B3GNT3: variants seen among roughly 807,000 people sequenced by gnomAD.
B3GNT3 encodes the protein N-acetyllactosaminide beta-1,3-N-acetylglucosaminyltransferase 3.
In B3GNT3, 7 loss-of-function variants were observed where a neutral mutation model predicts 11.6. The observed-to-expected ratio is 0.60, with a 90% CI of 0.34 to 1.13. The LOEUF (loss-of-function observed/expected upper bound fraction) is 1.13, where lower values mean the gene tolerates loss of function less well. Ranked by LOEUF, B3GNT3 falls within the 50% of genes most tolerant of loss-of-function variation. The pLI is 0.03. For synonymous variants in B3GNT3, 201 were observed against 222.1 expected, an observed-to-expected ratio of 0.90 and a Z score of 0.85; for missense variants, 400 against 507.4, an observed-to-expected ratio of 0.79 and a Z score of 2.03.
In B3GNT3 at chr19:17,807,963, A is replaced by ACCCCCCCCC; in HGVS notation, c.159_160insCCCCCCCCC (p.Pro53_Thr54insProProPro). ...CCGAGGCCCTGGCCTGGCCCACTCC[A>ACCCCCCCCC]CCCACCCGCCCAGCCCCGGCCCCGT... On this transcript the variant is annotated inframe_insertion, in exon 2 of 3. Coordinates refer to ENST00000318683, the MANE Select transcript of B3GNT3 (RefSeq NM_014256.4). 5 of 1,223,218 alleles carry ACCCCCCCCC rather than the reference A, an allele frequency of 4.1e-6. No homozygotes were observed. The highest frequency in any genetic ancestry group is 2.3e-6 in the Non-Finnish European group (2 of 866,404). The allele number at this position is 1,223,218 out of a possible 1,614,324, so 75.8% of individuals were successfully genotyped here.
chr19:17,795,109 G>C (rs968201995), upstream of B3GNT3: 3 of 153,046 alleles, frequency 2.0e-5, no homozygotes, highest in Non-Finnish European at 4.4e-5. Flanking sequence ...GAGGAAGCGG[G>C]AGAGGGGCGG....
chr19:17,811,826 C>G lies in B3GNT3; in HGVS notation c.823C>G (p.Leu275Val). 6.2e-7 allele frequency: 1 copy of G among 1,614,232 alleles called. No homozygotes were observed. The highest frequency in any genetic ancestry group is 8.5e-7 in the Non-Finnish European group (1 of 1,180,048). ...CTATTGTGGGGGTGGTGGCTTCTTG[C>G]TGTCCCGCTTCACGGCCGCTGCCCT... ...PPYCGGGGFL[L>V]SRFTAAALRR... The change falls in exon 3 of 3, where the codon CTG becomes GTG. Residue 275 changes from leucine (L) to valine (V), a missense_variant. Coordinates refer to ENST00000318683, the MANE Select transcript of B3GNT3 (RefSeq NM_014256.4). This position sits in a 1 kb window ranked among gnomAD's most constrained non-coding sequence, Gnocchi z 4.1.
intron 1 of B3GNT3, among the ~76,000 whole-genome samples, chr19:17,805,986 G>T (rs1198019704): frequency 6.6e-6 from 1 of 151,330 alleles, no homozygotes; most frequent in Non-Finnish European, 1.5e-5. Context: ...GTTTTGTTTT[G>T]AGACAGAGTC....
At chr19:17,795,438 C>G (rs978781712) in intron 1 of B3GNT3, among the ~76,000 whole-genome samples, 4 of 152,224 alleles carry the variant, frequency 2.6e-5, no homozygotes, top group Non-Finnish European at 5.9e-5. Context: ...AAGCCTCCCC[C>G]ACAGCTGGCG....
intron 2 of B3GNT3, among the ~76,000 whole-genome samples, chr19:17,808,666 A>C (rs183656791): frequency 8.6e-5 from 13 of 151,856 alleles, no homozygotes; most frequent in Admixed American, 8.5e-4. Context: ...GAGTTCATTC[A>C]CCTCTCTGTG....
intron 1 of B3GNT3, among the ~76,000 whole-genome samples, chr19:17,798,958 G>A (rs962611655): frequency 5.9e-5 from 9 of 152,180 alleles, no homozygotes; most frequent in African/African-American, 2.2e-4. Context: ...GGGTGACAGA[G>A]CAAGATCCTG....
intron 1 of B3GNT3, among the ~76,000 whole-genome samples, chr19:17,805,786 T>C (rs1158703786): frequency 6.6e-6 from 1 of 152,078 alleles, no homozygotes; most frequent in Non-Finnish European, 1.5e-5. Context: ...CTGTCACTAA[T>C]TGTTAGTATC....
chr19:17,797,682 T>A (rs1228262249), intron 1 of B3GNT3, among the ~76,000 whole-genome samples: 2 of 152,118 alleles, frequency 1.3e-5, no homozygotes, highest in African/African-American at 4.8e-5. Flanking sequence ...TGTGTCACCG[T>A]GCCCAACCCC....
At chr19:17,810,225 T>C (rs941021235) in intron 2 of B3GNT3, among the ~76,000 whole-genome samples, 5 of 152,062 alleles carry the variant, frequency 3.3e-5, no homozygotes, top group African/African-American at 9.7e-5. Context: ...GCACAGTGGC[T>C]CATGCCTATA....
At position 17,807,111 on chromosome 19, in the gene B3GNT3, A is replaced by AGTGTGTGTGTGTGTGTGTGTGTGTGTGT. The variant is rs56140662; in HGVS notation, c.-50-640_-50-613dup. 4.0e-3 allele frequency among the ~76,000 whole-genome samples: 463 copies of AGTGTGTGTGTGTGTGTGTGTGTGTGTGT among 116,272 alleles called. 11 individuals are homozygous for AGTGTGTGTGTGTGTGTGTGTGTGTGTGT. The highest frequency in any genetic ancestry group is 0.014 in the East Asian group (60 of 4,156). The allele number at this position is 116,272 out of a possible 152,430, so 76.3% of individuals were successfully genotyped here. On this transcript the variant is annotated intron_variant, in intron 1 of 2. Coordinates refer to ENST00000318683, the MANE Select transcript of B3GNT3 (RefSeq NM_014256.4). ...TTTGCAGTCAGGGAGCAGTGGCCCC[A>AGTGTGTGTGTGTGTGTGTGTGTGTGTGT]GTGTGTGTGTGTGTGTGTGTGTGTG... is the stretch of plus-strand genomic sequence containing the variant.
At chr19:17,800,424 G>A (rs1053352491) in intron 1 of B3GNT3, among the ~76,000 whole-genome samples, 12 of 151,944 alleles carry the variant, frequency 7.9e-5, no homozygotes, top group Admixed American at 7.9e-4. Flanking sequence ...AGAGGTGCCT[G>A]GAGCCACTTG....
intron 1 of B3GNT3, among the ~76,000 whole-genome samples, chr19:17,798,247 G>A (rs757777115): frequency 5.3e-5 from 8 of 152,174 alleles, no homozygotes; most frequent in Non-Finnish European, 7.3e-5. Flanking sequence ...CTGGGCACAC[G>A]AGTGTTTCTC....
intron 2 of B3GNT3, among the ~76,000 whole-genome samples, chr19:17,810,646 C>T (rs2094179447): frequency 1.3e-5 from 2 of 152,134 alleles, no homozygotes; most frequent in South Asian, 4.1e-4. Flanking sequence ...CTTTGGGAGG[C>T]TGAGGCAGGT....
intron 1 of B3GNT3, among the ~76,000 whole-genome samples, chr19:17,806,816 G>A (rs886610460): frequency 6.6e-6 from 1 of 151,930 alleles, no homozygotes; most frequent in Non-Finnish European, 1.5e-5. Flanking sequence ...ACTGGGCGTG[G>A]TGGCGCGTGC....
At chr19:17,800,521 C>T (rs1001430242) in intron 1 of B3GNT3, among the ~76,000 whole-genome samples, 11 of 152,308 alleles carry the variant, frequency 7.2e-5, no homozygotes, top group Admixed American at 4.6e-4. Flanking sequence ...GCCTACGATT[C>T]TGCTGAGCAG....
chr19:17,800,689 G>A (rs531461159), intron 1 of B3GNT3, among the ~76,000 whole-genome samples: 47 of 152,172 alleles, frequency 3.1e-4, no homozygotes, highest in Admixed American at 2.9e-3. Context: ...CTATTAGGCC[G>A]GGCGAGGTGG....
chr19:17,804,750 G>A (rs546924956), intron 1 of B3GNT3, among the ~76,000 whole-genome samples: 1 of 151,652 alleles, frequency 6.6e-6, no homozygotes, highest in Non-Finnish European at 1.5e-5. Flanking sequence ...AGAGACGGGG[G>A]TTTCACCATG....
rs2094181632 is a variant in B3GNT3 at position 17,811,991 on chromosome 19, T to C, written c.988T>C (p.Ser330Pro). 1 of 1,602,744 alleles carries C rather than the reference T, an allele frequency of 6.2e-7. No individual in the cohort carries two copies. The highest frequency in any genetic ancestry group is 1.3e-5 in the African/African-American group (1 of 74,916). The change falls in exon 3 of 3, where the codon TCC (serine) becomes CCC (proline). Residue 330 changes from serine (S) to proline (P), a missense_variant. Coordinates refer to ENST00000318683, the MANE Select transcript of B3GNT3 (RefSeq NM_014256.4). The surrounding 1 kb of genome is among the most constrained non-coding windows in gnomAD (Gnocchi z 4.1). ...CGTGCGGGCTCCATCGCAACGCCTG[T>C]CCTCCTTTGACCCCTGCTTCTACCG... is the stretch of plus-strand genomic sequence containing the variant. Reference protein sequence around the residue: ...SGVRAPSQRLSSFDPCFYRDL... With the variant: ...SGVRAPSQRLPSFDPCFYRDL...
chr19:17,807,624 T>C, intron 1 of B3GNT3, 134 bp from the exon 2 acceptor site: 3 of 599,852 alleles, frequency 5.0e-6, no homozygotes, highest in Non-Finnish European at 8.7e-6. Flanking sequence ...TTGCAAGGGG[T>C]GGAGGAGTTA....
Sources: allele counts gnomAD v4.1 joint callset (sites outside exome capture counted in the v4.1 genomes callset), GRCh38; gene constraint gnomAD v4.1.1; non-coding constraint Gnocchi (gnomAD v3.1); transcripts MANE v1.5; gene names NCBI Gene and HGNC (gene_info 2026-07-23, HGNC 2026-07-21).